The following BCL11B variants were observed in gnomAD, a reference collection of about 807,000 sequenced individuals.
BCL11B encodes B-cell lymphoma/leukemia 11B.
Under a neutral mutation model 49.9 loss-of-function variants are expected in BCL11B, and 8 were observed. The ratio of observed to expected loss-of-function variants is 0.16; its 90% confidence interval spans 0.09 to 0.29. The LOEUF is 0.29. Among genes scored for constraint, BCL11B ranks in the 10% least tolerant of loss-of-function variants. The pLI, the probability that BCL11B is intolerant of heterozygous loss-of-function variation, is 1.00. For synonymous variants in BCL11B, 739 were observed against 637.4 expected (o/e 1.16, Z -2.40); for missense variants, 1,006 against 1,351.0 (o/e 0.74, Z 4.00).
chr14:99,189,099 C>T (rs1220948108), intron 3 of BCL11B, among the ~76,000 whole-genome samples: 5 of 152,250 alleles, frequency 3.3e-5, no homozygotes, highest in Non-Finnish European at 7.3e-5. Flanking sequence ...CCTAAGGCTA[C>T]AGCACATTAT....
At chr14:99,193,865 C>A (rs574519727) in intron 3 of BCL11B, among the ~76,000 whole-genome samples, 49 of 152,092 alleles carry the variant, frequency 3.2e-4, no homozygotes, top group Non-Finnish European at 4.1e-4. Context: ...ATCTAAAATG[C>A]GTTTGTAGAC....
rs565098186 is a variant in BCL11B, at chr14:99,204,596, G to A, written c.640+26749C>T. ...CTCCACCAGCTTCCTGCCAATGCCC[G>A]GCAGCTATTCATCCCAGGGGCAGTC... On this transcript the variant is annotated intron_variant, in intron 3 of 3. Transcript: ENST00000357195. Among the ~76,000 whole-genome samples the A allele has an allele frequency of 5.9e-5, 9 of 152,228 alleles. No individual in the cohort carries two copies. The East Asian group carries it at 7.7e-4, about 13-fold the overall frequency.
intron 2 of BCL11B, among the ~76,000 whole-genome samples, chr14:99,235,702 G>A (rs1888476267): frequency 6.7e-6 from 1 of 150,038 alleles, no homozygotes; most frequent in South Asian, 2.1e-4. Flanking sequence ...TTTTGGTGGG[G>A]GAAGGACAGC....
intron 2 of BCL11B, among the ~76,000 whole-genome samples, chr14:99,233,249 C>T (rs1190697752): frequency 6.6e-6 from 1 of 152,166 alleles, no homozygotes; most frequent in Admixed American, 6.5e-5. Flanking sequence ...CCACCGAGGG[C>T]TCTGGGTCAT....
At chr14:99,181,307 G>A (rs1886694206) in intron 3 of BCL11B, among the ~76,000 whole-genome samples, 2 of 152,190 alleles carry the variant, frequency 1.3e-5, no homozygotes, top group South Asian at 2.1e-4. Flanking sequence ...TTTTACACTA[G>A]GCGTGGCATT....
intron 1 of BCL11B, among the ~76,000 whole-genome samples, chr14:99,265,187 C>G (rs1889446137): frequency 1.3e-5 from 2 of 152,210 alleles, no homozygotes; most frequent in South Asian, 2.1e-4. Flanking sequence ...TACCCTTCCC[C>G]ATTAATAAAT....
chr14:99,213,629 C>A lies in BCL11B; in HGVS notation c.640+17716G>T, dbSNP rs1566813107. ...CCAGCCGGTGCCTGTCTCCCACACT[C>A]CCGGACGCCACAGGCTGCAGAGTCC... On this transcript the variant is annotated intron_variant, in intron 3 of 3. Coordinates refer to ENST00000357195, the MANE Select transcript of BCL11B (RefSeq NM_138576.4). The surrounding 1 kb of genome is among the most constrained non-coding windows in gnomAD (Gnocchi z 5.1). Among the ~76,000 whole-genome samples the A allele has an allele frequency of 6.6e-6, 1 of 152,230 alleles. No individual in the cohort carries two copies. The highest frequency in any genetic ancestry group is 1.5e-5 in the Non-Finnish European group (1 of 68,040).
chr14:99,184,174 G>A lies in BCL11B; in HGVS notation c.641-7979C>T, dbSNP rs551178524. Among the ~76,000 whole-genome samples the A allele has an allele frequency of 7.9e-5, 12 of 152,186 alleles. No homozygotes were observed. The highest frequency in any genetic ancestry group is 2.1e-4 in the South Asian group (1 of 4,810). On this transcript the variant is annotated intron_variant, in intron 3 of 3. Coordinates refer to ENST00000357195, the MANE Select transcript of BCL11B (RefSeq NM_138576.4). This position sits in a 1 kb window ranked among gnomAD's most constrained non-coding sequence, Gnocchi z 6.1. ...CCATGAGCTGCCCACTCGCCCTCTCGGTGCCTCCCTTTGGGCAGCGCATTT... is the reference window on the plus strand; with the variant it reads ...CCATGAGCTGCCCACTCGCCCTCTCAGTGCCTCCCTTTGGGCAGCGCATTT...
rs774923501 is a variant in BCL11B, at chr14:99,257,448, C to T, written c.427+23G>A. 2 of 1,560,154 alleles carry T rather than the reference C, an allele frequency of 1.3e-6. No homozygotes were observed. The highest frequency in any genetic ancestry group is 1.7e-6 in the Non-Finnish European group (2 of 1,146,770). ...CCCAGGAGGTGGCTTCCACAGCAACCAGGCAAGCGCAGCATCCCATACCTG... is the reference window on the plus strand; with the variant it reads ...CCCAGGAGGTGGCTTCCACAGCAACTAGGCAAGCGCAGCATCCCATACCTG... On this transcript the variant is annotated intron_variant, in intron 2 of 3. Transcript: ENST00000357195. The surrounding 1 kb of genome is among the most constrained non-coding windows in gnomAD (Gnocchi z 6.2).
At chr14:99,243,350 T>C (rs1200192652) in intron 2 of BCL11B, among the ~76,000 whole-genome samples, 1 of 152,110 alleles carries the variant, frequency 6.6e-6, no homozygotes, top group Admixed American at 6.5e-5. Context: ...AGTAAAAAAT[T>C]ACACCCTCTA....
Position 99,176,149 on chromosome 14 carries a change from G to A in BCL11B, c.687C>T (p.Pro229=), listed in dbSNP as rs1439311592. The part of the protein sequence containing the change: ...SSYICTTCKQ[P]FNSAWFLLQH... Reference sequence around the variant, plus strand: ...GCAGCAGGAACCACGCGCTGTTGAAGGGCTGCTTGCATGTTGTGCAAATGT... The same window carrying A: ...GCAGCAGGAACCACGCGCTGTTGAAAGGCTGCTTGCATGTTGTGCAAATGT... Residue 229 remains proline (P), a synonymous_variant, in exon 4 of 4, where the codon CCC becomes CCT. Transcript: ENST00000357195. 2 of 1,612,412 alleles carry A rather than the reference G, an allele frequency of 1.2e-6. No individual in the cohort carries two copies. The highest frequency in any genetic ancestry group is 1.7e-5 in the Admixed American group (1 of 59,958).
chr14:99,270,816 G>A (rs1889652238), intron 1 of BCL11B, among the ~76,000 whole-genome samples: 1 of 118,474 alleles, frequency 8.4e-6, no homozygotes, highest in Non-Finnish European at 1.7e-5. Flanking sequence ...CAGCGCCGCC[G>A]CCGCCACACA....
intron 3 of BCL11B, among the ~76,000 whole-genome samples, chr14:99,211,753 C>G (rs1887696228): frequency 6.6e-6 from 1 of 152,154 alleles, no homozygotes; most frequent in African/African-American, 2.4e-5. Context: ...AGGTTCACAC[C>G]AAACTCCGCC....
At chr14:99,217,775 G>A (rs1887895110) in intron 3 of BCL11B, among the ~76,000 whole-genome samples, 1 of 152,108 alleles carries the variant, frequency 6.6e-6, no homozygotes, top group African/African-American at 2.4e-5. Context: ...GCTCAGAACT[G>A]GGCTCCTTAA....
Position 99,222,250 on chromosome 14 carries a change from C to T in BCL11B, c.640+9095G>A, listed in dbSNP as rs964829692. 4.6e-5 allele frequency among the ~76,000 whole-genome samples: 5 copies of T among 109,272 alleles called. 1 individual carries two copies. In the Admixed American group the frequency reaches 5.3e-4, roughly 11 times the overall value. The allele number at this position is 109,272 out of a possible 152,430, so 71.7% of individuals were successfully genotyped here. On this transcript the variant is annotated intron_variant, in intron 3 of 3. Transcript: ENST00000357195. The stretch of plus-strand genomic sequence containing the variant: ...TTTAAGGGCTATTATTTCTTTCGCT[C>T]CCCAGTGGGGGAAAAAAAATGGATT...
chr14:99,266,078 A>G (rs560642005), intron 1 of BCL11B, among the ~76,000 whole-genome samples: 6 of 152,354 alleles, frequency 3.9e-5, no homozygotes, highest in African/African-American at 1.4e-4. Context: ...GATGTGATCA[A>G]GACTGGCTCT....
intron 3 of BCL11B, among the ~76,000 whole-genome samples, chr14:99,183,216 C>A (rs1886759038): frequency 6.6e-6 from 1 of 151,154 alleles, no homozygotes; most frequent in African/African-American, 2.4e-5. Context: ...CCCACATCAC[C>A]TCGTTTAGAC....
intron 2 of BCL11B, among the ~76,000 whole-genome samples, chr14:99,240,122 G>C (rs1024582585): frequency 2.0e-5 from 3 of 152,062 alleles, no homozygotes; most frequent in Non-Finnish European, 2.9e-5. Flanking sequence ...AGGGCCAGCA[G>C]GGTTTCTTGT....
rs1183422587 is a variant in BCL11B, at chr14:99,171,279, TTTTG to T, written c.*2868_*2871del. ...TGAACCAAAGCATTTAACTACTTCCTTTTGTTTCTTTTTCTCAAAGGTTGTCAAA... is the reference window on the plus strand; with the variant it reads ...TGAACCAAAGCATTTAACTACTTCCTTTTCTTTTTCTCAAAGGTTGTCAAA... On this transcript the variant is annotated 3_prime_UTR_variant, in exon 4 of 4. Coordinates refer to ENST00000357195, the MANE Select transcript of BCL11B (RefSeq NM_138576.4). 6 of 225,112 alleles carry T rather than the reference TTTTG, an allele frequency of 2.7e-5. No individual in the cohort carries two copies. Among genetic ancestry groups the T allele is most frequent in the Non-Finnish European group, 4.4e-5 (5 of 112,796 alleles). The allele number at this position is 225,112 out of a possible 1,614,324, so 13.9% of individuals were successfully genotyped here. A position where few individuals can be genotyped will look rare whatever the true frequency, so the allele number is the denominator to read the frequency against.
Sources: gnomAD v4.1 joint callset for allele counts (sites outside exome capture counted in the v4.1 genomes callset) on GRCh38, gnomAD v4.1.1 for gene constraint, Gnocchi (gnomAD v3.1) non-coding constraint, MANE v1.5 for transcripts, NCBI Gene and HGNC (gene_info 2026-07-23, HGNC 2026-07-21) for gene names.